The following PRKCQ variants were observed in gnomAD, a reference collection of about 807,000 sequenced individuals.
PRKCQ encodes protein kinase C theta type.
In PRKCQ, 41 loss-of-function variants were observed where a neutral mutation model predicts 91.2. That is an observed-to-expected ratio of 0.45 (90% CI 0.35 to 0.58). The LOEUF is 0.58. Ranked by LOEUF, PRKCQ falls within the 20% of genes least tolerant of loss-of-function variation. The pLI is 0.00. For synonymous variants in PRKCQ, 307 were observed against 316.9 expected (o/e 0.97, Z 0.33); for missense variants, 673 against 896.5 (o/e 0.75, Z 3.18).
At chr10:6,495,336 C>A (rs1238389778) in intron 7 of PRKCQ, among the ~76,000 whole-genome samples, 1 of 152,224 alleles carries the variant, frequency 6.6e-6, no homozygotes, top group Non-Finnish European at 1.5e-5. Context: ...GTCTGCGCAG[C>A]CCTTGCAGCT....
In PRKCQ at chr10:6,547,862, A is replaced by C. The variant is rs1347003925; in HGVS notation, c.-10+32349T>G. On this transcript the variant is annotated intron_variant, in intron 1 of 17. Transcript: ENST00000263125. The stretch of plus-strand genomic sequence containing the variant: ...CTAAAACACCAAAAGCAATGGCAAC[A>C]AAAGCCAAAATTGACAAATGGGATC... Among the ~76,000 whole-genome samples, 995 of 150,824 alleles carry C rather than the reference A, an allele frequency of 6.6e-3. 9 individuals carry two copies. Among genetic ancestry groups the C allele is most frequent in the African/African-American group, 0.023 (943 of 41,388 alleles).
intron 2 of PRKCQ, among the ~76,000 whole-genome samples, chr10:6,511,403 A>T (rs1034444964): frequency 1.3e-5 from 2 of 152,248 alleles, no homozygotes; most frequent in Non-Finnish European, 2.9e-5. Flanking sequence ...ATTGAACCTT[A>T]TAAGTCCAGC....
downstream of PRKCQ, among the ~76,000 whole-genome samples, chr10:6,423,859 G>T (rs935736923): frequency 6.6e-6 from 1 of 152,166 alleles, no homozygotes; most frequent in Non-Finnish European, 1.5e-5. Flanking sequence ...CCTGTAGGAC[G>T]AAGTAATTTC....
intron 1 of PRKCQ, among the ~76,000 whole-genome samples, chr10:6,557,395 T>C (rs1840463236): frequency 6.6e-6 from 1 of 152,170 alleles, no homozygotes; most frequent in Non-Finnish European, 1.5e-5. Context: ...GTACTATCAA[T>C]TGTATTTTAA....
At position 6,446,944 on chromosome 10, in the gene PRKCQ, G is replaced by A. The variant is rs573957352; in HGVS notation, c.1648-4863C>T. On this transcript the variant is annotated intron_variant, in intron 15 of 17. Transcript: ENST00000263125. ...GCTGGGAAGTCAGGTCTGGACAGGC[G>A]GGGCTCTGCCACCATGATGTGCAAC... Among the ~76,000 whole-genome samples, 5 of 152,268 alleles carry A rather than the reference G, an allele frequency of 3.3e-5. No individual in the cohort carries two copies. In the South Asian group the frequency reaches 8.3e-4, roughly 25 times the overall value.
intron 7 of PRKCQ, among the ~76,000 whole-genome samples, chr10:6,494,535 T>C (rs1837489110): frequency 6.6e-6 from 1 of 152,190 alleles, no homozygotes; most frequent in South Asian, 2.1e-4. Flanking sequence ...GATTTAAGCC[T>C]GTGAAGATCT....
intron 1 of PRKCQ, among the ~76,000 whole-genome samples, chr10:6,543,636 C>T (rs1216801164): frequency 1.3e-5 from 2 of 152,142 alleles, no homozygotes; most frequent in Non-Finnish European, 2.9e-5. Context: ...ACACTGTCCT[C>T]GATGATCAAA....
intron 16 of PRKCQ, among the ~76,000 whole-genome samples, chr10:6,433,192 G>A (rs1237287262): frequency 6.6e-6 from 1 of 152,206 alleles, no homozygotes. Context: ...CATCCCAGTT[G>A]TCAGCTGAGG....
chr10:6,439,775 T>C (rs897922586), intron 16 of PRKCQ, among the ~76,000 whole-genome samples: 2 of 152,228 alleles, frequency 1.3e-5, no homozygotes, highest in African/African-American at 4.8e-5. Context: ...CTTTGTGTTA[T>C]TGGTAAGGCT....
intron 1 of PRKCQ, among the ~76,000 whole-genome samples, chr10:6,551,197 C>A (rs1464356155): frequency 1.3e-5 from 2 of 152,006 alleles, no homozygotes; most frequent in Non-Finnish European, 1.5e-5. Context: ...TTGTTCCCCT[C>A]TTTGAGTCCA....
Position 6,568,847 on chromosome 10 carries a change from G to A in PRKCQ, c.-10+11364C>T, listed in dbSNP as rs572740663. 1.3e-3 allele frequency among the ~76,000 whole-genome samples: 195 copies of A among 152,108 alleles called. 1 individual carries two copies. Among genetic ancestry groups the A allele is most frequent in the Non-Finnish European group, 2.3e-3 (154 of 67,986 alleles). The stretch of plus-strand genomic sequence containing the variant: ...GACATTACAGTGGTCCACAAAGCAG[G>A]ATGCCAAGGGGATGATAAGGGGAAA... On this transcript the variant is annotated intron_variant, in intron 1 of 17. Transcript: ENST00000263125.
chr10:6,476,382 G>T (rs1453879372), intron 12 of PRKCQ, among the ~76,000 whole-genome samples: 1 of 149,678 alleles, frequency 6.7e-6, no homozygotes, highest in Non-Finnish European at 1.5e-5. Context: ...CAGAAGCCCA[G>T]TCTAAAATGT....
At position 6,486,067 on chromosome 10, in the gene PRKCQ, C is replaced by G. The variant is rs1214944610; in HGVS notation, c.868G>C (p.Glu290Gln). ...LCGINQKLMA[E>Q]ALAMIESTQQ... Reference sequence around the variant, plus strand: ...GTGCTCTCAATCATGGCCAGCGCTTCAGCCATTAGCTTCTGGTTTATGCCA... The same window carrying G: ...GTGCTCTCAATCATGGCCAGCGCTTGAGCCATTAGCTTCTGGTTTATGCCA... Residue 290 changes from glutamate to glutamine, a missense_variant, in exon 9 of 18, where the codon GAA becomes CAA. By Grantham distance (29) the Glu-to-Gln change is conservative. Transcript: ENST00000263125. 5 of 1,614,124 alleles carry G rather than the reference C, an allele frequency of 3.1e-6. No individual in the cohort carries two copies. Among genetic ancestry groups the G allele is most frequent in the Non-Finnish European group, 4.2e-6 (5 of 1,180,052 alleles).
chr10:6,559,386 A>G (rs1194094107), intron 1 of PRKCQ, among the ~76,000 whole-genome samples: 1 of 152,004 alleles, frequency 6.6e-6, no homozygotes, highest in East Asian at 1.9e-4. Flanking sequence ...CTTTTGAGAT[A>G]GTCTCGCTCT....
chr10:6,428,488 T>G, intron 17 of PRKCQ, 126 bp from the exon 18 acceptor site: 1 of 973,768 alleles, frequency 1.0e-6, no homozygotes, highest in South Asian at 1.5e-5. Context: ...AGACACTAAA[T>G]GGAGGCAATG....
chr10:6,454,710 A>T (rs1007928925), intron 15 of PRKCQ, among the ~76,000 whole-genome samples: 6 of 152,062 alleles, frequency 3.9e-5, no homozygotes, highest in Non-Finnish European at 7.4e-5. Flanking sequence ...TGGAGGTCTC[A>T]AGCAGGAAAG....
At chr10:6,498,645 C>A in intron 4 of PRKCQ, 87 bp from the exon 5 acceptor site, 1 of 1,373,108 alleles carries the variant, frequency 7.3e-7, no homozygotes, top group Non-Finnish European at 1.0e-6. Flanking sequence ...GGGAGATGGG[C>A]AAGGGATGGA....
intron 13 of PRKCQ, 152 bp from the exon 14 acceptor site, chr10:6,462,517 A>C (rs1429738735): frequency 1.5e-6 from 1 of 661,872 alleles, no homozygotes; most frequent in East Asian, 2.8e-5. Flanking sequence ...GATGTTGTCC[A>C]TTCATTCTAC....
At chr10:6,498,686 A>C in intron 4 of PRKCQ, 128 bp from the exon 5 acceptor site, 1 of 826,558 alleles carries the variant, frequency 1.2e-6, no homozygotes. Flanking sequence ...CTGCTGTAAC[A>C]TTCCAGGTAC....
Sources: gnomAD v4.1 joint callset for allele counts (sites outside exome capture counted in the v4.1 genomes callset) on GRCh38, gnomAD v4.1.1 for gene constraint, MANE v1.5 for transcripts, NCBI Gene and HGNC (gene_info 2026-07-23, HGNC 2026-07-21) for gene names.